Variants in ARHGAP11B observed in about 807,000 individuals in gnomAD.
ARHGAP11B encodes Rho GTPase activating protein 11B, also known as inactive Rho GTPase-activating protein 11B.
ARHGAP11B carries 14 observed loss-of-function variants against 27.6 expected under a neutral mutation model. That is an observed-to-expected ratio of 0.51 (90% CI 0.34 to 0.79). The LOEUF (loss-of-function observed/expected upper bound fraction) is 0.79. Among genes scored for constraint, ARHGAP11B ranks in the 30% least tolerant of loss-of-function variants. The probability of loss-of-function intolerance (pLI) is 0.02; values close to 1 mark genes in which losing one functional copy is unlikely to be tolerated. For synonymous variants in ARHGAP11B, 82 were observed against 114.1 expected (o/e 0.72, Z 1.80); for missense variants, 245 against 320.1 (o/e 0.77, Z 1.79).
At chr15:30,641,391 A>C (rs1398782562) in intron 7 of ARHGAP11B, 2 of 150,280 alleles carry the variant, frequency 1.3e-5, no homozygotes, top group African/African-American at 4.9e-5. Context: ...GCTAGAGTGC[A>C]ATGGCACAAT....
At chr15:30,626,709 C>A in exon 1 of ARHGAP11B, 2 of 1,469,292 alleles carry the variant, frequency 1.4e-6, no homozygotes, top group Non-Finnish European at 1.8e-6. Flanking sequence ...CAGACGGGGC[C>A]GGAAAGCAGC....
chr15:30,646,740 C>T (rs1023452215), intron 9 of ARHGAP11B, among the ~76,000 whole-genome samples: 4 of 151,272 alleles, frequency 2.6e-5, no homozygotes, highest in Non-Finnish European at 5.9e-5. Flanking sequence ...GAGGCTGAGG[C>T]GGGTGGATCA....
chr15:30,641,859 G>A (rs1240615435), intron 7 of ARHGAP11B, among the ~76,000 whole-genome samples: 1 of 151,734 alleles, frequency 6.6e-6, no homozygotes, highest in East Asian at 2.0e-4. Flanking sequence ...TGGGATTACA[G>A]GCATGCACCA....
intron 3 of ARHGAP11B, among the ~76,000 whole-genome samples, chr15:30,633,946 G>T (rs918326025): frequency 1.3e-5 from 2 of 151,472 alleles, no homozygotes; most frequent in African/African-American, 4.9e-5. Flanking sequence ...GATTGCTTGA[G>T]CCTGGGAGTT....
chr15:30,638,260 TCTA>T (rs922010275), intron 6 of ARHGAP11B, among the ~76,000 whole-genome samples: 5 of 152,202 alleles, frequency 3.3e-5, no homozygotes, highest in East Asian at 1.9e-4. Context: ...TGTCTACCTG[TCTA>T]CTATTTCCTG....
intron 1 of ARHGAP11B, among the ~76,000 whole-genome samples, chr15:30,630,008 A>G (rs982967021): frequency 3.9e-5 from 6 of 152,214 alleles, no homozygotes; most frequent in African/African-American, 1.4e-4. Context: ...ATTCAAGTTA[A>G]CCAACAAACA....
At chr15:30,629,037 A>T (rs997168381) in intron 1 of ARHGAP11B, among the ~76,000 whole-genome samples, 5 of 152,084 alleles carry the variant, frequency 3.3e-5, no homozygotes, top group Admixed American at 2.0e-4. Flanking sequence ...ACATTTTTTT[A>T]AATAGTTCAG....
exon 4 of ARHGAP11B, chr15:30,634,223 T>G (rs926154433): frequency 2.4e-5 from 39 of 1,611,364 alleles, no homozygotes; most frequent in Non-Finnish European, 3.2e-5. Context: ...CTTGTGATAT[T>G]GCGGGACTTC....
At chr15:30,644,687 C>A (rs1269367731) in exon 8 of ARHGAP11B, 46 of 1,583,864 alleles carry the variant, frequency 2.9e-5, no homozygotes, top group Non-Finnish European at 3.5e-5. Flanking sequence ...AATATTGCAT[C>A]TACCAGCATT....
chr15:30,638,723 A>G, intron 6 of ARHGAP11B, 23 bp from the exon 7 acceptor site: 1 of 1,389,392 alleles, frequency 7.2e-7, no homozygotes, highest in Non-Finnish European at 9.7e-7. Flanking sequence ...TGAAGTTGTA[A>G]TTGCTTATGT....
At chr15:30,630,747 T>A in exon 2 of ARHGAP11B, 1 of 1,611,854 alleles carries the variant, frequency 6.2e-7, no homozygotes, top group Non-Finnish European at 8.5e-7. Flanking sequence ...CCCATTCTGC[T>A]GTACCAGAAT....
chr15:30,643,839 A>C (rs1404717287), intron 7 of ARHGAP11B, among the ~76,000 whole-genome samples: 3 of 152,072 alleles, frequency 2.0e-5, no homozygotes, highest in African/African-American at 7.2e-5. Flanking sequence ...GAAGTTTTGC[A>C]GAAGTTAGGT....
Position 30,638,453 on chromosome 15 carries a change from A to G in ARHGAP11B, c.*4-293A>G, listed in dbSNP as rs189394957. 6.5e-3 allele frequency among the ~76,000 whole-genome samples: 991 copies of G among 151,756 alleles called. 51 individuals carry two copies. The East Asian group carries it at 0.12, about 18-fold the overall frequency. On this transcript the variant is annotated intron_variant, in intron 6 of 10. Transcript: ENST00000428041. ...GTTCAGACCTTCATCTTTTGCCTTA[A>G]CATGTAATGATTTCTTTTTCCCTAC...
intron 1 of ARHGAP11B, 43 bp downstream of exon 1, chr15:30,626,992 C>T (rs2060213202): frequency 1.2e-6 from 2 of 1,609,106 alleles, no homozygotes; most frequent in Non-Finnish European, 1.7e-6. Flanking sequence ...AGAAAGGGCA[C>T]ACCCTTTATC....
chr15:30,643,280 CTT>C (rs796664136), intron 7 of ARHGAP11B, among the ~76,000 whole-genome samples: 22 of 133,894 alleles, frequency 1.6e-4, no homozygotes, highest in Admixed American at 2.3e-4. Context: ...TGACAGTTTT[CTT>C]TTTTTTTTTT....
intron 6 of ARHGAP11B, among the ~76,000 whole-genome samples, chr15:30,637,030 A>C (rs369487818): frequency 4.2e-4 from 63 of 150,536 alleles, no homozygotes; most frequent in South Asian, 6.3e-4. Context: ...TTCCTATCCC[A>C]AATGGAGATA....
intron 7 of ARHGAP11B, among the ~76,000 whole-genome samples, chr15:30,643,256 G>A (rs1479212418): frequency 6.7e-6 from 1 of 149,448 alleles, no homozygotes; most frequent in African/African-American, 2.5e-5. Context: ...GACTTTTCTT[G>A]CCTTTCATGA....
chr15:30,649,221 G>A (rs2060371259), exon 11 of ARHGAP11B: 2 of 152,110 alleles, frequency 1.3e-5, no homozygotes, highest in South Asian at 4.1e-4. Context: ...ATGATACTGA[G>A]GTAGACAAGT....
At chr15:30,631,787 CTTT>C (rs765025486) in intron 2 of ARHGAP11B, among the ~76,000 whole-genome samples, 6 of 139,634 alleles carry the variant, frequency 4.3e-5, no homozygotes, top group Non-Finnish European at 6.3e-5. Context: ...ACCTTTTGTT[CTTT>C]TTTTTTTTTT....
Sources: gnomAD v4.1 joint callset for allele counts (sites outside exome capture counted in the v4.1 genomes callset) on GRCh38, gnomAD v4.1.1 for gene constraint, MANE v1.5 for transcripts, NCBI Gene and HGNC (gene_info 2026-07-23, HGNC 2026-07-21) for gene names.